Variants in IMMP2L observed in about 807,000 individuals in gnomAD.
The protein encoded by IMMP2L is mitochondrial inner membrane protease subunit 2.
In IMMP2L, 18 loss-of-function variants were observed where a neutral mutation model predicts 19.3. The observed-to-expected ratio is 0.93, with a 90% CI of 0.64 to 1.38. IMMP2L has a LOEUF of 1.38. IMMP2L is among the 40% of genes most tolerant of loss of function. The probability of loss-of-function intolerance (pLI) is 0.00; values close to 1 mark genes in which losing one functional copy is unlikely to be tolerated. For synonymous variants in IMMP2L, 76 were observed against 73.0 expected, an observed-to-expected ratio of 1.04 and a Z score of -0.21; for missense variants, 233 against 218.2, an observed-to-expected ratio of 1.07 and a Z score of -0.43.
intron 3 of IMMP2L, among the ~76,000 whole-genome samples, chr7:111,382,787 G>A (rs1831331937): frequency 1.3e-5 from 2 of 152,026 alleles, no homozygotes; most frequent in Non-Finnish European, 2.9e-5. Context: ...GAAAGTGAAG[G>A]TGGCTCAAGA....
intron 3 of IMMP2L, among the ~76,000 whole-genome samples, chr7:111,012,317 C>T (rs1413239493): frequency 6.6e-6 from 1 of 151,972 alleles, no homozygotes; most frequent in Non-Finnish European, 1.5e-5. Context: ...AGTTTGAGTA[C>T]CTCATACAAT....
intron 5 of IMMP2L, among the ~76,000 whole-genome samples, chr7:110,759,785 G>T (rs58973077): frequency 0.025 from 3,773 of 152,142 alleles, 162 homozygotes; most frequent in African/African-American, 0.087. Flanking sequence ...TGAAGTTATA[G>T]CTTCAATAAT....
intron 5 of IMMP2L, among the ~76,000 whole-genome samples, chr7:110,854,443 T>C (rs1021756992): frequency 6.6e-6 from 1 of 151,910 alleles, no homozygotes; most frequent in African/African-American, 2.4e-5. Context: ...TCTTTTAAAG[T>C]GTTCCACATT....
At chr7:111,334,659 G>A (rs983616342) in intron 3 of IMMP2L, among the ~76,000 whole-genome samples, 3 of 152,058 alleles carry the variant, frequency 2.0e-5, no homozygotes, top group African/African-American at 7.2e-5. Context: ...ACAGTCCCCA[G>A]GTATGCTCTA....
intron 3 of IMMP2L, among the ~76,000 whole-genome samples, chr7:111,021,515 A>T (rs558611217): frequency 6.6e-6 from 1 of 152,196 alleles, no homozygotes; most frequent in Non-Finnish European, 1.5e-5. Flanking sequence ...ATGGCAGAAG[A>T]TGAAGGAGTA....
intron 3 of IMMP2L, among the ~76,000 whole-genome samples, chr7:111,068,924 A>G (rs1026574756): frequency 6.6e-6 from 1 of 152,180 alleles, no homozygotes; most frequent in Admixed American, 6.5e-5. Context: ...CCAATACAAT[A>G]AAGTAATGAT....
chr7:110,805,541 TAAGTC>T (rs1157027772), intron 5 of IMMP2L, among the ~76,000 whole-genome samples: 1 of 151,996 alleles, frequency 6.6e-6, no homozygotes, highest in Non-Finnish European at 1.5e-5. Flanking sequence ...AAACCACCAT[TAAGTC>T]ATTTTTTAAA....
At chr7:111,014,120 T>A (rs1825250997) in intron 3 of IMMP2L, among the ~76,000 whole-genome samples, 1 of 152,022 alleles carries the variant, frequency 6.6e-6, no homozygotes, top group Non-Finnish European at 1.5e-5. Flanking sequence ...TCCCAACACT[T>A]TGGGAGGCCG....
intron 3 of IMMP2L, among the ~76,000 whole-genome samples, chr7:111,341,724 G>T (rs934466704): frequency 3.3e-5 from 5 of 152,084 alleles, no homozygotes; most frequent in African/African-American, 1.2e-4. Context: ...ATATTGCTAT[G>T]GTCTGAACGT....
At chr7:110,906,775 T>C (rs112592068) in intron 4 of IMMP2L, among the ~76,000 whole-genome samples, 151 of 152,224 alleles carry the variant, frequency 9.9e-4, no homozygotes, top group Non-Finnish European at 1.8e-3. Flanking sequence ...TGAGTTAATA[T>C]TGTAAAGTGC....
chr7:110,978,046 AT>A (rs1820885555), intron 3 of IMMP2L, among the ~76,000 whole-genome samples: 1 of 152,074 alleles, frequency 6.6e-6, no homozygotes, highest in South Asian at 2.1e-4. Context: ...GAAAGCAATA[AT>A]ATTTTATTTA....
At chr7:110,713,911 CTT>C (rs1270923719) in intron 5 of IMMP2L, among the ~76,000 whole-genome samples, 1 of 152,064 alleles carries the variant, frequency 6.6e-6, no homozygotes, top group African/African-American at 2.4e-5. Flanking sequence ...TTTTGGATGA[CTT>C]TTATTTCTTT....
intron 4 of IMMP2L, among the ~76,000 whole-genome samples, chr7:110,893,914 A>G (rs1475765058): frequency 1.3e-5 from 2 of 151,994 alleles, no homozygotes; most frequent in Non-Finnish European, 2.9e-5. Flanking sequence ...ATGAAGGCAA[A>G]TGTAGCCTTT....
rs1801511956 is a variant in IMMP2L, at chr7:111,128,298, A to T, written c.240-164733T>A. ...GATTATATTCTGGTTTATTTTCTTT[A>T]TCAGTGTTTTCACAAATACATGTTA... On this transcript the variant is annotated intron_variant, in intron 3 of 5. Transcript: ENST00000405709. 2.0e-5 allele frequency among the ~76,000 whole-genome samples: 3 copies of T among 152,322 alleles called. No homozygotes were observed. In the South Asian group the frequency reaches 6.2e-4, roughly 32 times the overall value.
At chr7:111,155,679 T>C (rs1804563553) in intron 3 of IMMP2L, among the ~76,000 whole-genome samples, 2 of 152,020 alleles carry the variant, frequency 1.3e-5, no homozygotes, top group African/African-American at 2.4e-5. Context: ...ATTATATATA[T>C]ATATATACAC....
At chr7:110,820,101 C>T (rs1802890213) in intron 5 of IMMP2L, among the ~76,000 whole-genome samples, 1 of 151,978 alleles carries the variant, frequency 6.6e-6, no homozygotes, top group Non-Finnish European at 1.5e-5. Flanking sequence ...ATCACCTCCA[C>T]CTAACTCCTA....
rs959160851 is a variant in IMMP2L, at chr7:111,391,854, T to C, written c.239+95384A>G. The C allele has an allele frequency of 7.5e-5, 53 of 702,410 alleles. No homozygotes were observed. The African/African-American group carries it at 8.9e-4, about 12-fold the overall frequency. 43.5% of individuals were successfully genotyped at this position (702,410 alleles called of 1,614,324 possible). A position where few individuals can be genotyped will look rare whatever the true frequency, so the allele number is the denominator to read the frequency against. On this transcript the variant is annotated intron_variant, in intron 3 of 5. Transcript: ENST00000405709. Reference sequence around the variant, plus strand: ...CGACCATACCTCTCTTTCAGTTGCCTCCACTCTCCAGATGGGATTCCTGCC... The same window carrying C: ...CGACCATACCTCTCTTTCAGTTGCCCCCACTCTCCAGATGGGATTCCTGCC...
intron 4 of IMMP2L, among the ~76,000 whole-genome samples, chr7:110,887,756 T>A (rs1318120538): frequency 6.6e-6 from 1 of 151,272 alleles, no homozygotes; most frequent in Non-Finnish European, 1.5e-5. Context: ...TTTTTTTCTC[T>A]CTTTTATCCC....
intron 5 of IMMP2L, among the ~76,000 whole-genome samples, chr7:110,665,516 AT>A (rs773067097): frequency 7.9e-5 from 12 of 152,198 alleles, no homozygotes; most frequent in Non-Finnish European, 1.3e-4. Context: ...TATAGCCATT[AT>A]TTTAAAAATT....
Sources: gnomAD v4.1 joint callset for allele counts (sites outside exome capture counted in the v4.1 genomes callset) on GRCh38, gnomAD v4.1.1 for gene constraint, MANE v1.5 for transcripts, NCBI Gene and HGNC (gene_info 2026-07-23, HGNC 2026-07-21) for gene names.